FER: variants seen among roughly 807,000 people sequenced by gnomAD.
FER encodes FER tyrosine kinase, also known as tyrosine-protein kinase Fer.
FER carries 63 observed loss-of-function variants against 111.0 expected under a neutral mutation model. The ratio of observed to expected loss-of-function variants is 0.57; its 90% CI spans 0.46 to 0.70. The LOEUF is 0.70. FER is among the 30% of genes least tolerant of loss of function. FER has a pLI of 0.00. For synonymous variants in FER, 327 were observed against 313.9 expected (o/e 1.04, Z -0.44); for missense variants, 914 against 954.0 (o/e 0.96, Z 0.55).
Position 109,190,340 on chromosome 5 carries a change from GTGT to G in FER, c.*2770_*2772del, listed in dbSNP as rs1420076264. On this transcript the variant is annotated 3_prime_UTR_variant, in exon 20 of 20. Transcript: ENST00000281092. ...GTAATTAGTCCAGTCACAAATCTTT[GTGT>G]TGTTAATGGATTATTCAAGATATAT... 6.6e-6 allele frequency: 1 copy of G among 151,706 alleles called. No homozygotes were observed. The highest frequency in any genetic ancestry group is 2.4e-5 in the African/African-American group (1 of 41,306). 9.4% of individuals were successfully genotyped at this position (151,706 alleles called of 1,614,324 possible). A position where few individuals can be genotyped will look rare whatever the true frequency, so the allele number is the denominator to read the frequency against.
At chr5:109,002,070 G>A (rs1411896472) in intron 13 of FER, among the ~76,000 whole-genome samples, 1 of 151,476 alleles carries the variant, frequency 6.6e-6, no homozygotes, top group African/African-American at 2.4e-5. Flanking sequence ...TAGATTCAAT[G>A]CCATCCCCAT....
chr5:108,879,703 T>TATATATATATATATAC (rs1262448349), intron 8 of FER, among the ~76,000 whole-genome samples: 8 of 111,392 alleles, frequency 7.2e-5, no homozygotes, highest in Non-Finnish European at 1.2e-4. Context: ...TAAAAAAAAA[T>TATATATATATATATAC]ATATATATAT....
At chr5:109,179,960 G>C (rs1037157342) in intron 17 of FER, among the ~76,000 whole-genome samples, 1 of 152,154 alleles carries the variant, frequency 6.6e-6, no homozygotes. Context: ...AAGAGAGAGC[G>C]TTTGGGCTAA....
intron 17 of FER, among the ~76,000 whole-genome samples, chr5:109,119,103 G>A (rs952527069): frequency 9.2e-5 from 14 of 151,792 alleles, no homozygotes; most frequent in Non-Finnish European, 1.3e-4. Context: ...GTGATGTTAG[G>A]GTGTCAATTT....
At chr5:108,980,502 C>G (rs1242279775) in intron 13 of FER, among the ~76,000 whole-genome samples, 1 of 151,956 alleles carries the variant, frequency 6.6e-6, no homozygotes, top group Non-Finnish European at 1.5e-5. Context: ...AGAAATATTC[C>G]AAGCCAAAAT....
Position 108,946,194 on chromosome 5 carries a change from C to G in FER, c.1301C>G (p.Ser434Cys). ...CATTCAATTGCTGGAATAATTAGGT[C>G]TCCAAAATCTGCACTGGGCTCTTCA... ...IRHSIAGIIRSPKSALGSSAL... is the reference protein window; with the variant it reads ...IRHSIAGIIRCPKSALGSSAL... The change falls in exon 11 of 20, where the codon TCT becomes TGT. Residue 434 changes from serine to cysteine, a missense_variant. Physicochemically the swap from Ser to Cys is moderately radical, Grantham distance 112 (BLOSUM62 -1). Transcript: ENST00000281092. 6.2e-7 allele frequency: 1 copy of G among 1,612,082 alleles called. No homozygotes were observed. Among genetic ancestry groups the G allele is most frequent in the Non-Finnish European group, 8.5e-7 (1 of 1,178,786 alleles).
chr5:108,882,053 G>C (rs1765734075), intron 8 of FER, among the ~76,000 whole-genome samples: 1 of 151,986 alleles, frequency 6.6e-6, no homozygotes, highest in African/African-American at 2.4e-5. Flanking sequence ...CTGTTTTAGT[G>C]ACTGTATGCT....
chr5:109,084,838 A>C (rs1326239214), intron 16 of FER, among the ~76,000 whole-genome samples: 1 of 151,894 alleles, frequency 6.6e-6, no homozygotes, highest in Non-Finnish European at 1.5e-5. Context: ...TTCAACTATC[A>C]ATTCTTTAAA....
At chr5:109,017,763 C>T (rs1767370153) in intron 13 of FER, among the ~76,000 whole-genome samples, 1 of 151,860 alleles carries the variant, frequency 6.6e-6, no homozygotes, top group Non-Finnish European at 1.5e-5. Flanking sequence ...GAGACCAAAT[C>T]CAACAACTCA....
chr5:108,770,412 C>T (rs1282824002), intron 2 of FER, among the ~76,000 whole-genome samples: 1 of 152,174 alleles, frequency 6.6e-6, no homozygotes, highest in Non-Finnish European at 1.5e-5. Flanking sequence ...AGTCCGAAAT[C>T]TTCCCAGACT....
chr5:108,767,188 C>G (rs1368317550), intron 1 of FER, among the ~76,000 whole-genome samples: 1 of 152,026 alleles, frequency 6.6e-6, no homozygotes, highest in African/African-American at 2.4e-5. Flanking sequence ...CCTGTAATCC[C>G]AGATACTCAG....
chr5:108,936,474 A>G (rs1755488009), intron 10 of FER, among the ~76,000 whole-genome samples: 1 of 151,960 alleles, frequency 6.6e-6, no homozygotes, highest in African/African-American at 2.4e-5. Context: ...TTTATTTCAT[A>G]TTGATTCTCC....
chr5:109,071,600 C>G (rs1475116279), intron 16 of FER, among the ~76,000 whole-genome samples: 1 of 151,806 alleles, frequency 6.6e-6, no homozygotes, highest in East Asian at 1.9e-4. Flanking sequence ...TATAGTGTTC[C>G]CACAAATCAG....
chr5:109,050,377 T>A (rs1311066727), intron 16 of FER, among the ~76,000 whole-genome samples: 1 of 152,228 alleles, frequency 6.6e-6, no homozygotes, highest in African/African-American at 2.4e-5. Flanking sequence ...GGTTCAAATT[T>A]GAACACTGTA....
chr5:109,014,667 T>A (rs371138399), intron 13 of FER, among the ~76,000 whole-genome samples: 5 of 152,164 alleles, frequency 3.3e-5, no homozygotes, highest in Admixed American at 2.0e-4. Context: ...ATAAATTACC[T>A]TGGGCAGTAT....
intron 16 of FER, among the ~76,000 whole-genome samples, chr5:109,058,724 CTTTTTTTTT>C (rs746184286): frequency 7.9e-5 from 6 of 76,276 alleles, no homozygotes; most frequent in Admixed American, 3.1e-4. Flanking sequence ...TTCTTTCTTT[CTTTTTTTTT>C]TTTTTTTTTT....
chr5:108,913,129 C>T (rs1751783458), intron 10 of FER, among the ~76,000 whole-genome samples: 1 of 152,132 alleles, frequency 6.6e-6, no homozygotes, highest in Non-Finnish European at 1.5e-5. Flanking sequence ...TAAATATCCA[C>T]AAATGGTTTC....
At chr5:108,918,247 C>T (rs1752515266) in intron 10 of FER, among the ~76,000 whole-genome samples, 1 of 152,148 alleles carries the variant, frequency 6.6e-6, no homozygotes, top group African/African-American at 2.4e-5. Context: ...GAATTTCTTA[C>T]TGGAGGCTTT....
intron 3 of FER, among the ~76,000 whole-genome samples, chr5:108,820,877 G>A (rs938709673): frequency 6.6e-6 from 1 of 152,204 alleles, no homozygotes; most frequent in Non-Finnish European, 1.5e-5. Context: ...TGTAATCCCA[G>A]CACTTTGGGA....
Sources: allele counts gnomAD v4.1 joint callset (sites outside exome capture counted in the v4.1 genomes callset), GRCh38; gene constraint gnomAD v4.1.1; transcripts MANE v1.5; gene names NCBI Gene and HGNC (gene_info 2026-07-23, HGNC 2026-07-21).